Variants in PCDH9 observed in about 807,000 individuals in gnomAD.
The protein encoded by PCDH9 is protocadherin-9.
PCDH9 carries 24 observed loss-of-function variants against 70.6 expected under a neutral mutation model. That is an observed-to-expected ratio of 0.34 (90% confidence interval 0.25 to 0.48). PCDH9 has a LOEUF of 0.48. Ranked by LOEUF, PCDH9 falls within the 20% of genes least tolerant of loss-of-function variation. The pLI is 0.99. For synonymous variants in PCDH9, 562 were observed against 558.5 expected (o/e 1.01, Z -0.09); for missense variants, 1,281 against 1,503.6 (o/e 0.85, Z 2.45).
intron 3 of PCDH9, among the ~76,000 whole-genome samples, chr13:66,740,902 T>C (rs2139200576): frequency 8.7e-6 from 1 of 114,522 alleles, no homozygotes. Flanking sequence ...AGCCGAATTC[T>C]ACCAGAGGTA....
intron 3 of PCDH9, among the ~76,000 whole-genome samples, chr13:66,635,793 T>C (rs1258862815): frequency 3.3e-5 from 5 of 152,152 alleles, no homozygotes; most frequent in East Asian, 3.9e-4. Context: ...TTCAGTCTTA[T>C]GAATTTACAG....
chr13:66,873,112 AC>A (rs1409705419), intron 3 of PCDH9, among the ~76,000 whole-genome samples: 1 of 152,236 alleles, frequency 6.6e-6, no homozygotes, highest in African/African-American at 2.4e-5. Context: ...ATTCTGAAAA[AC>A]ATTACCTTGG....
intron 4 of PCDH9, among the ~76,000 whole-genome samples, chr13:66,357,756 C>T (rs1368343745): frequency 1.3e-5 from 2 of 151,958 alleles, no homozygotes; most frequent in African/African-American, 4.8e-5. Context: ...TGATTAAAAC[C>T]TATGTGTGTG....
chr13:66,454,409 G>A (rs1454670687), intron 4 of PCDH9, among the ~76,000 whole-genome samples: 2 of 152,032 alleles, frequency 1.3e-5, no homozygotes, highest in East Asian at 3.9e-4. Context: ...AAGGTTGTAG[G>A]GACCTTCCTT....
rs1593836703 is a variant in PCDH9, at chr13:66,649,433, C to A, written c.3139-18022G>T. ...ATTTGAAGTGCAAAAGAAAAAAAAA[C>A]TTTTATCCTAGAACAGTATATCAAA... On this transcript the variant is annotated intron_variant, in intron 3 of 4. Coordinates refer to ENST00000377865, the MANE Select transcript of PCDH9 (RefSeq NM_203487.3). 2.0e-5 allele frequency among the ~76,000 whole-genome samples: 3 copies of A among 151,740 alleles called. No individual in the cohort carries two copies. In the South Asian group the frequency reaches 6.2e-4, roughly 32 times the overall value.
At chr13:67,037,056 C>T (rs2139898258) in intron 2 of PCDH9, among the ~76,000 whole-genome samples, 1 of 152,178 alleles carries the variant, frequency 6.6e-6, no homozygotes, top group South Asian at 2.1e-4. Flanking sequence ...TTCAGATTAC[C>T]CCACAGACTT....
In PCDH9 at chr13:66,789,502, A is replaced by AT. The variant is rs199595587; in HGVS notation, c.3138+114001dup. Among the ~76,000 whole-genome samples the AT allele has an allele frequency of 1.9e-3, 288 of 151,448 alleles. 2 individuals carry two copies. Among genetic ancestry groups the AT allele is most frequent in the African/African-American group, 6.1e-3 (253 of 41,324 alleles). On this transcript the variant is annotated intron_variant, in intron 3 of 4. Transcript: ENST00000377865. ...GCACAAATCTATCCACAGTGGGTTT[A>AT]TTTTTTTTTATTTTTTTTCCAGCTA... is the stretch of plus-strand genomic sequence containing the variant.
Position 67,227,737 on chromosome 13 carries a change from G to T in PCDH9, c.704C>A (p.Thr235Lys). ...ACTTACTGTGACCTGCAGTATGGCC[G>T]TACTGGATTTCTGTGGAGTGCCTCC... The part of the protein sequence containing the change: ...EDGGTPQKSS[T>K]AILQVTVSDV... The change falls in exon 2 of 5, where the codon ACG (threonine) becomes AAG (lysine). Residue 235 changes from threonine to lysine, a missense_variant. Thr to Lys is a moderately conservative substitution (Grantham distance 78, BLOSUM62 -1). Around this residue, in one of 4 missense-constraint regions of PCDH9, gnomAD observed 798 missense variants for 1,003.1 expected, o/e 0.80. Coordinates refer to ENST00000377865, the MANE Select transcript of PCDH9 (RefSeq NM_203487.3). This position sits in a 1 kb window ranked among gnomAD's most constrained non-coding sequence, Gnocchi z 4.6. 3 of 1,613,674 alleles carry T rather than the reference G, an allele frequency of 1.9e-6. No individual in the cohort carries two copies. Among genetic ancestry groups the T allele is most frequent in the Non-Finnish European group, 2.5e-6 (3 of 1,179,594 alleles).
intron 4 of PCDH9, among the ~76,000 whole-genome samples, chr13:66,361,401 T>C (rs1956468527): frequency 6.6e-6 from 1 of 152,158 alleles, no homozygotes; most frequent in African/African-American, 2.4e-5. Context: ...TTAATGCAAA[T>C]ATATCCACAA....
chr13:66,639,124 A>G (rs1483141547), intron 3 of PCDH9, among the ~76,000 whole-genome samples: 4 of 152,240 alleles, frequency 2.6e-5, no homozygotes, highest in Non-Finnish European at 2.9e-5. Context: ...AAAGTCAAGC[A>G]GTATTTTCAG....
chr13:67,053,826 C>T (rs973589172), intron 2 of PCDH9, among the ~76,000 whole-genome samples: 4 of 152,154 alleles, frequency 2.6e-5, no homozygotes, highest in Admixed American at 6.6e-5. Flanking sequence ...TGAATAACAC[C>T]TAGCATTTAA....
intron 3 of PCDH9, among the ~76,000 whole-genome samples, chr13:66,765,114 C>T (rs1300403350): frequency 6.6e-6 from 1 of 151,470 alleles, no homozygotes; most frequent in East Asian, 1.9e-4. Context: ...TTCTCTCTCT[C>T]TTTTCTCTCT....
chr13:67,216,242 T>C (rs2138099953), intron 2 of PCDH9: 1 of 152,198 alleles, frequency 6.6e-6, no homozygotes, highest in South Asian at 2.1e-4. Context: ...TGCTTAAAAA[T>C]CAATCAATGA....
intron 3 of PCDH9, among the ~76,000 whole-genome samples, chr13:66,674,973 T>C (rs1021036553): frequency 4.6e-5 from 7 of 152,132 alleles, no homozygotes; most frequent in African/African-American, 1.7e-4. Flanking sequence ...TCAGTCCTCA[T>C]AATCTTTTAA....
chr13:66,951,530 C>CAAAGAA (rs2083180856), intron 2 of PCDH9, among the ~76,000 whole-genome samples: 1 of 141,512 alleles, frequency 7.1e-6, no homozygotes, highest in Admixed American at 6.8e-5. Context: ...AGAACCTATT[C>CAAAGAA]TCATAGGCTG....
chr13:66,610,213 TAGAAAG>T (rs2077276292), intron 4 of PCDH9, among the ~76,000 whole-genome samples: 2 of 151,780 alleles, frequency 1.3e-5, no homozygotes, highest in South Asian at 2.1e-4. Flanking sequence ...ATTATTATCT[TAGAAAG>T]AGAGAGAACA....
intron 2 of PCDH9, among the ~76,000 whole-genome samples, chr13:66,956,839 T>C (rs1442890768): frequency 1.3e-5 from 2 of 152,118 alleles, no homozygotes; most frequent in Non-Finnish European, 2.9e-5. Context: ...TGTTTCGCAC[T>C]CCACCCACTT....
At chr13:67,065,993 C>G (rs916089481) in intron 2 of PCDH9, among the ~76,000 whole-genome samples, 53 of 152,060 alleles carry the variant, frequency 3.5e-4, no homozygotes, top group African/African-American at 1.2e-3. Context: ...AAAGCTGACT[C>G]AAATTTTCTG....
chr13:66,988,749 G>A (rs1026884037), intron 2 of PCDH9, among the ~76,000 whole-genome samples: 3 of 151,958 alleles, frequency 2.0e-5, no homozygotes, highest in Non-Finnish European at 4.4e-5. Flanking sequence ...TTTTAATGAT[G>A]AAGAAATGAA....
Sources: allele counts gnomAD v4.1 joint callset (sites outside exome capture counted in the v4.1 genomes callset), GRCh38; gene constraint gnomAD v4.1.1; regional missense constraint gnomAD v4.1.1; non-coding constraint Gnocchi (gnomAD v3.1); transcripts MANE v1.5; gene names NCBI Gene and HGNC (gene_info 2026-07-23, HGNC 2026-07-21).